STRADA: variants seen among roughly 807,000 people sequenced by gnomAD.
The protein encoded by STRADA is STE20 related adaptor alpha.
STRADA carries 26 observed loss-of-function variants against 55.0 expected under a neutral mutation model. The ratio of observed to expected loss-of-function variants is 0.47; its 90% CI spans 0.35 to 0.66. The LOEUF is 0.66. Ranked by LOEUF, STRADA falls within the 30% of genes least tolerant of loss-of-function variation. The pLI is 0.01. For synonymous variants in STRADA, 197 were observed against 210.9 expected (o/e 0.93, Z 0.57); for missense variants, 443 against 549.7 (o/e 0.81, Z 1.94).
At chr17:63,738,044 GAAAA>G (rs1439503697) in intron 1 of STRADA, among the ~76,000 whole-genome samples, 1 of 150,874 alleles carries the variant, frequency 6.6e-6, no homozygotes, top group Non-Finnish European at 1.5e-5. Flanking sequence ...GAAACGAAAA[GAAAA>G]AAGAAAAGAA....
chr17:63,734,855 C>T (rs2038302765), intron 1 of STRADA, among the ~76,000 whole-genome samples: 1 of 152,040 alleles, frequency 6.6e-6, no homozygotes, highest in African/African-American at 2.4e-5. Context: ...GAAAGGTTAA[C>T]ATCTAGAAAA....
At chr17:63,703,849 G>A (rs1419068158) in intron 12 of STRADA, 98 bp from the exon 13 acceptor site, 27 of 1,610,478 alleles carry the variant, frequency 1.7e-5, no homozygotes, top group Admixed American at 6.7e-5. Context: ...ACGGGCTGTC[G>A]GAGCCAACTC....
At position 63,704,336 on chromosome 17, in the gene STRADA, G is replaced by A. The variant is rs774956434; in HGVS notation, c.1100+5C>T. 4 of 1,612,120 alleles carry A rather than the reference G, an allele frequency of 2.5e-6. No individual in the cohort carries two copies. In the South Asian group the frequency reaches 4.4e-5, roughly 18 times the overall value. On this transcript the variant is annotated splice_donor_5th_base_variant and intron_variant, in intron 11 of 12. Transcript: ENST00000336174. ...CGAAGCCCAGGCCCAGGCCAGCAGG[G>A]ATACCTGGCATCCGGGTTGCGCTGA...
chr17:63,732,956 C>T (rs999309303), intron 1 of STRADA, among the ~76,000 whole-genome samples: 14 of 151,680 alleles, frequency 9.2e-5, no homozygotes, highest in Non-Finnish European at 1.5e-5. Flanking sequence ...GGTGTGGTCT[C>T]GGCTCACTGC....
At chr17:63,709,742 G>A (rs1261194512) in intron 8 of STRADA, among the ~76,000 whole-genome samples, 2 of 152,156 alleles carry the variant, frequency 1.3e-5, no homozygotes, top group Non-Finnish European at 1.5e-5. Flanking sequence ...TTCTCTGTAT[G>A]AGGAGTTATG....
chr17:63,716,788 C>T (rs560266819), intron 4 of STRADA, among the ~76,000 whole-genome samples: 2 of 152,242 alleles, frequency 1.3e-5, no homozygotes, highest in South Asian at 4.1e-4. Flanking sequence ...CCAGCATTTC[C>T]CAAAGAGATC....
At chr17:63,707,817 G>A (rs1056694664) in intron 8 of STRADA, among the ~76,000 whole-genome samples, 16 of 150,932 alleles carry the variant, frequency 1.1e-4, no homozygotes, top group Non-Finnish European at 2.2e-4. Context: ...TGCAAGCTCC[G>A]CCTCCCGGGT....
At chr17:63,717,096 A>C (rs1306770895) in intron 4 of STRADA, 2 of 152,188 alleles carry the variant, frequency 1.3e-5, no homozygotes, top group Non-Finnish European at 2.9e-5. Context: ...AAGACATTCA[A>C]TACATGTGAA....
chr17:63,711,989 C>A (rs1437692288), intron 6 of STRADA, among the ~76,000 whole-genome samples: 2 of 152,038 alleles, frequency 1.3e-5, no homozygotes, highest in Non-Finnish European at 2.9e-5. Context: ...AGAAGGCCAG[C>A]TGAGACTGGC....
chr17:63,719,874 C>T (rs2037172331), intron 4 of STRADA, among the ~76,000 whole-genome samples: 1 of 152,142 alleles, frequency 6.6e-6, no homozygotes, highest in Non-Finnish European at 1.5e-5. Flanking sequence ...TACACTAAGA[C>T]ACATTCTTGC....
At chr17:63,708,675 C>T (rs1189878265) in intron 8 of STRADA, among the ~76,000 whole-genome samples, 2 of 152,118 alleles carry the variant, frequency 1.3e-5, no homozygotes, top group African/African-American at 4.8e-5. Flanking sequence ...GCTGGGATTA[C>T]AGGCACCTGC....
intron 10 of STRADA, chr17:63,705,622 G>C (rs2036035791): frequency 6.6e-6 from 1 of 152,642 alleles, no homozygotes; most frequent in Non-Finnish European, 1.5e-5. Flanking sequence ...TTTAGGACAG[G>C]AACCAGTGCT....
intron 1 of STRADA, among the ~76,000 whole-genome samples, chr17:63,732,654 GC>G (rs1480813972): frequency 6.6e-6 from 1 of 152,104 alleles, no homozygotes; most frequent in Non-Finnish European, 1.5e-5. Flanking sequence ...AATTAGCCAG[GC>G]ATGGTGGCAT....
chr17:63,728,142 T>C (rs2037778460), intron 2 of STRADA, 192 bp downstream of exon 2: 1 of 527,060 alleles, frequency 1.9e-6, no homozygotes, highest in East Asian at 3.2e-5. Context: ...TGGTAAATTT[T>C]GTGTCTCTGG....
At chr17:63,731,514 T>C (rs916372525) in intron 1 of STRADA, among the ~76,000 whole-genome samples, 5 of 151,664 alleles carry the variant, frequency 3.3e-5, no homozygotes, top group Non-Finnish European at 7.4e-5. Context: ...TCCGTCCGCC[T>C]TGGCCTCCCA....
chr17:63,707,596 T>C (rs755935254), intron 8 of STRADA, 178 bp from the exon 9 acceptor site: 7 of 633,562 alleles, frequency 1.1e-5, no homozygotes, highest in African/African-American at 1.8e-5. Context: ...AGTCTCACTC[T>C]GTCACCCGGC....
intron 4 of STRADA, among the ~76,000 whole-genome samples, 153 bp downstream of exon 4, chr17:63,723,145 T>G (rs904223775): frequency 6.6e-6 from 1 of 152,168 alleles, no homozygotes; most frequent in South Asian, 2.1e-4. Context: ...GGGTGAAACC[T>G]GAATCTCCAC....
At chr17:63,737,914 G>C (rs1291745108) in intron 1 of STRADA, among the ~76,000 whole-genome samples, 1 of 152,168 alleles carries the variant, frequency 6.6e-6, no homozygotes, top group Non-Finnish European at 1.5e-5. Flanking sequence ...TTGAGCTCCA[G>C]AGGTGGAGGC....
chr17:63,703,178 C>T lies in STRADA; in HGVS notation c.*421G>A, dbSNP rs2035837058. On this transcript the variant is annotated 3_prime_UTR_variant, in exon 13 of 13. Transcript: ENST00000336174. Reference sequence around the variant, plus strand: ...GCTTACTACTTGCCCTTTCACTGACCTATAGCATCTGAGGCATCTGAGAGC... The same window carrying T: ...GCTTACTACTTGCCCTTTCACTGACTTATAGCATCTGAGGCATCTGAGAGC... 2 of 172,334 alleles carry T rather than the reference C, an allele frequency of 1.2e-5. No individual in the cohort carries two copies. The highest frequency in any genetic ancestry group is 1.2e-4 in the South Asian group (1 of 8,178). The allele number at this position is 172,334 out of a possible 1,614,324, so 10.7% of individuals were successfully genotyped here.
Sources: gnomAD v4.1 joint callset for allele counts (sites outside exome capture counted in the v4.1 genomes callset) on GRCh38, gnomAD v4.1.1 for gene constraint, MANE v1.5 for transcripts, NCBI Gene and HGNC (gene_info 2026-07-23, HGNC 2026-07-21) for gene names.